The following VTI1A variants were observed in gnomAD, a reference collection of about 807,000 sequenced individuals.
VTI1A encodes vesicle transport through interaction with t-SNAREs 1A, also known as vesicle transport through interaction with t-SNAREs homolog 1A.
Under a neutral mutation model 34.9 loss-of-function variants are expected in VTI1A, and 22 were observed. That is an observed-to-expected ratio of 0.63 (90% CI 0.45 to 0.90). The LOEUF is 0.90. Ranked by LOEUF, VTI1A falls within the 40% of genes least tolerant of loss-of-function variation. The pLI, the probability that VTI1A is intolerant of heterozygous loss-of-function variation, is 0.00. For synonymous variants in VTI1A, 87 were observed against 97.3 expected, an observed-to-expected ratio of 0.89 and a Z score of 0.62; for missense variants, 268 against 275.6, an observed-to-expected ratio of 0.97 and a Z score of 0.20.
At chr10:112,649,107 T>C (rs991224861) in intron 5 of VTI1A, among the ~76,000 whole-genome samples, 6 of 152,122 alleles carry the variant, frequency 3.9e-5, no homozygotes, top group East Asian at 3.9e-4. Context: ...TAATCAAGTA[T>C]GATTTGTCAG....
In VTI1A at chr10:112,625,092, T is replaced by C. The variant is rs552082519; in HGVS notation, c.428-43126T>C. The stretch of plus-strand genomic sequence containing the variant: ...CAGCCTGAGTGCCAGAGTGTGGCAC[T>C]GTCTCAAAAAAATAAAAAAAGTATT... On this transcript the variant is annotated intron_variant, in intron 5 of 7. Coordinates refer to ENST00000393077, the MANE Select transcript of VTI1A (RefSeq NM_145206.4). Among the ~76,000 whole-genome samples the C allele has an allele frequency of 3.3e-5, 5 of 152,248 alleles. No homozygotes were observed. In the East Asian group the frequency reaches 9.7e-4, roughly 29 times the overall value.
intron 1 of VTI1A, chr10:112,449,411 G>A (rs1413625710): frequency 1.3e-5 from 2 of 152,156 alleles, no homozygotes; most frequent in African/African-American, 4.8e-5. Context: ...ATATTTTAAT[G>A]TGACAATTCT....
chr10:112,700,118 AAAAAAAAAAAAAAAAAACAAAAC>A (rs1407579683), intron 7 of VTI1A, among the ~76,000 whole-genome samples: 7 of 124,236 alleles, frequency 5.6e-5, no homozygotes, highest in African/African-American at 2.8e-4. Flanking sequence ...ACTCCATCTC[AAAAAAAAAAAAAAAAAACAAAAC>A]AAAAAAAAAA....
At chr10:112,725,481 G>T (rs761645458) in intron 7 of VTI1A, among the ~76,000 whole-genome samples, 2 of 152,136 alleles carry the variant, frequency 1.3e-5, no homozygotes, top group Non-Finnish European at 2.9e-5. Context: ...TTGATCAGTG[G>T]GTTCAGGTGT....
intron 5 of VTI1A, among the ~76,000 whole-genome samples, chr10:112,658,092 A>G (rs1178242368): frequency 1.3e-5 from 2 of 151,618 alleles, no homozygotes; most frequent in African/African-American, 4.9e-5. Flanking sequence ...TACTTTATTT[A>G]TTTATTTTTC....
chr10:112,644,638 A>G (rs1233182708), intron 5 of VTI1A, among the ~76,000 whole-genome samples: 1 of 152,218 alleles, frequency 6.6e-6, no homozygotes, highest in Non-Finnish European at 1.5e-5. Context: ...TTAAGTTAAC[A>G]TCTTTGATCT....
At chr10:112,491,288 G>A (rs962324027) in intron 3 of VTI1A, among the ~76,000 whole-genome samples, 1 of 152,202 alleles carries the variant, frequency 6.6e-6, no homozygotes, top group Admixed American at 6.5e-5. Context: ...AAAGTGTAAT[G>A]GAAATAAGCA....
chr10:112,743,619 C>A (rs890905866), intron 7 of VTI1A, among the ~76,000 whole-genome samples: 1 of 152,154 alleles, frequency 6.6e-6, no homozygotes, highest in Non-Finnish European at 1.5e-5. Context: ...TCATGCCCAA[C>A]CCTCTCTGCC....
intron 5 of VTI1A, among the ~76,000 whole-genome samples, chr10:112,624,805 G>A (rs1216062964): frequency 2.0e-5 from 3 of 152,144 alleles, no homozygotes; most frequent in African/African-American, 7.2e-5. Context: ...ATTGTAATGG[G>A]TAGATTAAGG....
intron 3 of VTI1A, among the ~76,000 whole-genome samples, chr10:112,486,487 T>C (rs897289183): frequency 6.6e-6 from 1 of 152,094 alleles, no homozygotes; most frequent in Non-Finnish European, 1.5e-5. Context: ...ATGTGGTACA[T>C]CCTTGATGTT....
intron 5 of VTI1A, among the ~76,000 whole-genome samples, chr10:112,587,545 G>T (rs1844208812): frequency 6.6e-6 from 1 of 152,124 alleles, no homozygotes; most frequent in Admixed American, 6.5e-5. Context: ...AAATGGCTAT[G>T]TTAAACAGAA....
intron 7 of VTI1A, among the ~76,000 whole-genome samples, chr10:112,747,935 C>T (rs1159589660): frequency 6.6e-6 from 1 of 152,106 alleles, no homozygotes; most frequent in African/African-American, 2.4e-5. Context: ...AATCCAACGC[C>T]CAGACAGGGT....
intron 5 of VTI1A, among the ~76,000 whole-genome samples, chr10:112,540,742 A>C (rs533639515): frequency 5.7e-4 from 87 of 152,254 alleles, no homozygotes; most frequent in African/African-American, 2.0e-3. Context: ...CTGTGTTTTG[A>C]CTGTGATGTA....
intron 5 of VTI1A, among the ~76,000 whole-genome samples, chr10:112,636,876 A>G (rs1846375513): frequency 6.6e-6 from 1 of 152,240 alleles, no homozygotes; most frequent in Non-Finnish European, 1.5e-5. Context: ...ATAGCAAAAC[A>G]AAATGAAACA....
chr10:112,502,108 G>A (rs1446139359), intron 3 of VTI1A, among the ~76,000 whole-genome samples: 8 of 148,242 alleles, frequency 5.4e-5, no homozygotes, highest in Non-Finnish European at 1.2e-4. Context: ...GCTCACTGCA[G>A]CCTCGACCTC....
chr10:112,570,857 A>G (rs954852380), intron 5 of VTI1A, among the ~76,000 whole-genome samples: 14 of 152,396 alleles, frequency 9.2e-5, no homozygotes, highest in African/African-American at 3.4e-4. Flanking sequence ...CTAGACTAAT[A>G]ATAACCATAA....
intron 7 of VTI1A, among the ~76,000 whole-genome samples, chr10:112,781,711 CACACTCATAG>C: frequency 7.9e-5 from 1 of 12,738 alleles, no homozygotes; most frequent in South Asian, 1.3e-3. Context: ...TGTGATGGTG[CACACTCATAG>C]GTGCACACTC....
chr10:112,483,424 T>C (rs1390908194), intron 3 of VTI1A, among the ~76,000 whole-genome samples: 2 of 152,184 alleles, frequency 1.3e-5, no homozygotes, highest in South Asian at 2.1e-4. Flanking sequence ...TACCTTGATA[T>C]TGATACTTTG....
At chr10:112,497,883 T>C (rs1464823330) in intron 3 of VTI1A, among the ~76,000 whole-genome samples, 1 of 152,220 alleles carries the variant, frequency 6.6e-6, no homozygotes, top group Admixed American at 6.5e-5. Context: ...CATAAACTAG[T>C]GCCAGTTTTA....
Sources: allele counts gnomAD v4.1 joint callset (sites outside exome capture counted in the v4.1 genomes callset), GRCh38; gene constraint gnomAD v4.1.1; transcripts MANE v1.5; gene names NCBI Gene and HGNC (gene_info 2026-07-23, HGNC 2026-07-21).